The following ARHGAP26 variants were observed in gnomAD, a reference collection of about 807,000 sequenced individuals.
ARHGAP26 encodes rho GTPase-activating protein 26.
A neutral mutation model predicts 104.8 loss-of-function variants in ARHGAP26; 38 were observed. The observed-to-expected ratio is 0.36, with a 90% CI of 0.28 to 0.48. The LOEUF (loss-of-function observed/expected upper bound fraction) is 0.48. ARHGAP26 is among the 20% of genes least tolerant of loss of function. The probability of loss-of-function intolerance (pLI) is 0.99; values close to 1 mark genes in which losing one functional copy is unlikely to be tolerated. For missense variants in ARHGAP26, 704 were observed against 947.9 expected, an observed-to-expected ratio of 0.74 and a Z score of 3.38; for synonymous variants, 341 against 340.0, an observed-to-expected ratio of 1.00 and a Z score of -0.03.
intron 19 of ARHGAP26, among the ~76,000 whole-genome samples, chr5:143,137,005 C>T (rs545796468): frequency 3.0e-4 from 46 of 152,328 alleles, no homozygotes; most frequent in African/African-American, 1.1e-3. Flanking sequence ...ATTTGTGCCA[C>T]AGCCACATAG....
intron 21 of ARHGAP26, among the ~76,000 whole-genome samples, chr5:143,211,835 A>G (rs982570585): frequency 6.6e-6 from 1 of 152,170 alleles, no homozygotes; most frequent in Admixed American, 6.5e-5. Flanking sequence ...GATTACAGGC[A>G]TGTGCCACAG....
At position 142,890,163 on chromosome 5, in the gene ARHGAP26, T is replaced by A. The variant is rs1329099520; in HGVS notation, c.487-4075T>A. 7.8e-3 allele frequency among the ~76,000 whole-genome samples: 508 copies of A among 65,194 alleles called. 3 individuals carry two copies. Among genetic ancestry groups the A allele is most frequent in the African/African-American group, 0.025 (333 of 13,414 alleles). 42.8% of individuals were successfully genotyped at this position (65,194 alleles called of 152,430 possible). A position where few individuals can be genotyped will look rare whatever the true frequency, so the allele number is the denominator to read the frequency against. ...AAAAAAAAAAAAAAATATATATATA[T>A]ATATATATATATATATATATATATA... is the stretch of plus-strand genomic sequence containing the variant. On this transcript the variant is annotated intron_variant, in intron 5 of 22. Coordinates refer to ENST00000645722, the MANE Select transcript of ARHGAP26 (RefSeq NM_001135608.3).
intron 1 of ARHGAP26, among the ~76,000 whole-genome samples, chr5:142,832,377 G>GCT (rs144049219): frequency 3.3e-4 from 50 of 150,358 alleles, no homozygotes; most frequent in Middle Eastern, 3.4e-3. Flanking sequence ...CCGAGAGCAG[G>GCT]CTCTCTCTCT....
chr5:143,156,198 T>A (rs548426269), intron 20 of ARHGAP26, among the ~76,000 whole-genome samples: 1 of 152,246 alleles, frequency 6.6e-6, no homozygotes, highest in Non-Finnish European at 1.5e-5. Context: ...TTGGGTAAAT[T>A]AAAAGTACAT....
intron 20 of ARHGAP26, among the ~76,000 whole-genome samples, chr5:143,206,320 A>G (rs2151345266): frequency 6.6e-6 from 1 of 152,370 alleles, no homozygotes; most frequent in East Asian, 1.9e-4. Context: ...ATGATTTCAC[A>G]GAGTTGTGAA....
At chr5:143,127,951 A>G (rs1000238192) in intron 18 of ARHGAP26, among the ~76,000 whole-genome samples, 1 of 152,198 alleles carries the variant, frequency 6.6e-6, no homozygotes, top group East Asian at 1.9e-4. Context: ...TCCTGTGGTC[A>G]TGGCTTTTGT....
intron 8 of ARHGAP26, 97 bp from the exon 9 acceptor site, chr5:142,907,602 GGTAGA>G (rs2152468891): frequency 1.8e-6 from 1 of 546,254 alleles, no homozygotes; most frequent in African/African-American, 2.2e-5. Flanking sequence ...TTAAGGGTAG[GGTAGA>G]TGAGCATTAT....
At chr5:142,877,101 G>C (rs1756238586) in intron 3 of ARHGAP26, among the ~76,000 whole-genome samples, 1 of 152,182 alleles carries the variant, frequency 6.6e-6, no homozygotes, top group South Asian at 2.1e-4. Context: ...ATGGCCTGTG[G>C]TAAGGGAACA....
In ARHGAP26 at chr5:142,791,866, AG is replaced by A. The variant is rs1759892389; in HGVS notation, c.154+20954del. Among the ~76,000 whole-genome samples, 3 of 141,856 alleles carry A rather than the reference AG, an allele frequency of 2.1e-5. No individual in the cohort carries two copies. The East Asian group carries it at 6.8e-4, about 32-fold the overall frequency. The allele number at this position is 141,856 out of a possible 152,430, so 93.1% of individuals were successfully genotyped here. On this transcript the variant is annotated intron_variant, in intron 1 of 22. Transcript: ENST00000645722. ...GTAGTTCCAGCTATCTGGGAGGCTG[AG>A]GGACGAGAATCGCTTGAACCCGGGA...
chr5:143,188,025 C>T (rs1002310773), intron 20 of ARHGAP26, among the ~76,000 whole-genome samples: 1 of 152,176 alleles, frequency 6.6e-6, no homozygotes, highest in African/African-American at 2.4e-5. Context: ...CAGTCTGATC[C>T]CTCCCTTCTC....
intron 20 of ARHGAP26, among the ~76,000 whole-genome samples, chr5:143,182,679 T>C (rs1015991464): frequency 8.5e-5 from 13 of 152,198 alleles, no homozygotes; most frequent in Non-Finnish European, 1.5e-4. Context: ...AACAATTGAT[T>C]TTTATATACT....
intron 20 of ARHGAP26, among the ~76,000 whole-genome samples, chr5:143,184,506 G>T (rs1229085839): frequency 2.6e-5 from 4 of 152,144 alleles, no homozygotes; most frequent in Non-Finnish European, 5.9e-5. Context: ...CTATATAAAA[G>T]CTCATTCATT....
chr5:142,879,050 G>A (rs1476875481), intron 3 of ARHGAP26, among the ~76,000 whole-genome samples: 3 of 152,174 alleles, frequency 2.0e-5, no homozygotes, highest in South Asian at 4.1e-4. Context: ...AAATGTCACC[G>A]AAGCTTGTAA....
chr5:143,120,417 T>C (rs1043332296), intron 17 of ARHGAP26, among the ~76,000 whole-genome samples: 5 of 152,248 alleles, frequency 3.3e-5, no homozygotes, highest in African/African-American at 1.2e-4. Context: ...GTTTATGCCC[T>C]GTTTCACTTA....
At chr5:142,909,360 C>T (rs1421967388) in intron 9 of ARHGAP26, among the ~76,000 whole-genome samples, 2 of 152,222 alleles carry the variant, frequency 1.3e-5, no homozygotes, top group East Asian at 1.9e-4. Flanking sequence ...GTTGAGTTTG[C>T]GTGTGTGTGG....
Position 143,117,662 on chromosome 5 carries a change from T to A in ARHGAP26, c.1539-3326T>A, listed in dbSNP as rs577972349. 2.2e-4 allele frequency among the ~76,000 whole-genome samples: 33 copies of A among 152,300 alleles called. No individual in the cohort carries two copies. The East Asian group carries it at 5.6e-3, about 26-fold the overall frequency. On this transcript the variant is annotated intron_variant, in intron 17 of 22. Transcript: ENST00000645722. ...ACCTCAAGCTTATTTATATTCAGAG[T>A]TGCTAATCCAGAATTAATATACCTT... is the stretch of plus-strand genomic sequence containing the variant.
At chr5:143,121,594 A>C (rs903698176) in intron 18 of ARHGAP26, among the ~76,000 whole-genome samples, 16 of 152,134 alleles carry the variant, frequency 1.1e-4, no homozygotes, top group African/African-American at 3.6e-4. Context: ...TTGTGTTGCA[A>C]ATATTTTGAC....
At chr5:143,209,904 G>A (rs1253328513) in intron 21 of ARHGAP26, among the ~76,000 whole-genome samples, 1 of 152,164 alleles carries the variant, frequency 6.6e-6, no homozygotes, top group Admixed American at 6.5e-5. Flanking sequence ...CCTGTACACT[G>A]TAGTGTATAG....
chr5:143,007,893 C>T (rs992477303), intron 11 of ARHGAP26, among the ~76,000 whole-genome samples: 20 of 152,162 alleles, frequency 1.3e-4, no homozygotes, highest in Admixed American at 7.9e-4. Context: ...TTTCCTTTCC[C>T]TTCATCTCTT....
Sources: gnomAD v4.1 joint callset for allele counts (sites outside exome capture counted in the v4.1 genomes callset) on GRCh38, gnomAD v4.1.1 for gene constraint, MANE v1.5 for transcripts, NCBI Gene and HGNC (gene_info 2026-07-23, HGNC 2026-07-21) for gene names.